Variants in ASTN1 observed in about 807,000 individuals in gnomAD.
ASTN1 encodes astrotactin 1.
Under a neutral mutation model 140.7 loss-of-function variants are expected in ASTN1, and 41 were observed. The observed-to-expected ratio is 0.29, with a 90% confidence interval of 0.23 to 0.38. The LOEUF (loss-of-function observed/expected upper bound fraction) is 0.38. ASTN1 is among the 10% of genes least tolerant of loss of function. The pLI is 1.00. For missense variants in ASTN1, 1,479 were observed against 1,678.8 expected (o/e 0.88, Z 2.08); for synonymous variants, 640 against 652.2 (o/e 0.98, Z 0.29).
chr1:176,892,686 C>A (rs945765136), intron 17 of ASTN1, among the ~76,000 whole-genome samples: 4 of 152,088 alleles, frequency 2.6e-5, no homozygotes, highest in Non-Finnish European at 5.9e-5. Context: ...GACAATGAGA[C>A]CAACAAAGGT....
At chr1:177,148,563 A>C (rs549207179) in intron 1 of ASTN1, among the ~76,000 whole-genome samples, 2 of 151,936 alleles carry the variant, frequency 1.3e-5, no homozygotes, top group Non-Finnish European at 2.9e-5. Flanking sequence ...TCAAAATACC[A>C]CAAGCTGGGA....
chr1:177,015,471 C>A (rs556838935), intron 7 of ASTN1, among the ~76,000 whole-genome samples: 12 of 152,308 alleles, frequency 7.9e-5, no homozygotes, highest in South Asian at 2.1e-4. Context: ...CTACTATATG[C>A]ACAGGAGGCC....
At chr1:176,950,031 T>G (rs779106815) in intron 11 of ASTN1, among the ~76,000 whole-genome samples, 1 of 152,234 alleles carries the variant, frequency 6.6e-6, no homozygotes, top group Non-Finnish European at 1.5e-5. Context: ...ATGCTTTTAA[T>G]GCAAAATATT....
chr1:176,987,930 T>C (rs1393483940), intron 8 of ASTN1, among the ~76,000 whole-genome samples: 1 of 152,158 alleles, frequency 6.6e-6, no homozygotes, highest in Non-Finnish European at 1.5e-5. Flanking sequence ...GGACAGAGGA[T>C]AGGGTAATTT....
intron 1 of ASTN1, among the ~76,000 whole-genome samples, chr1:177,120,584 G>A (rs1314500221): frequency 3.9e-5 from 6 of 152,086 alleles, no homozygotes; most frequent in Non-Finnish European, 5.9e-5. Flanking sequence ...TAAACAAGCC[G>A]ATTCTTTTGA....
chr1:176,915,115 A>C (rs1317702496), intron 16 of ASTN1, among the ~76,000 whole-genome samples: 1 of 152,242 alleles, frequency 6.6e-6, no homozygotes, highest in Non-Finnish European at 1.5e-5. Context: ...CAAGGAAAAA[A>C]TATAGCATAC....
chr1:177,077,174 G>A (rs763116343), intron 1 of ASTN1, among the ~76,000 whole-genome samples: 14 of 152,002 alleles, frequency 9.2e-5, no homozygotes, highest in Admixed American at 3.9e-4. Context: ...AAACCACCTC[G>A]AGGAGGTGCT....
intron 8 of ASTN1, among the ~76,000 whole-genome samples, chr1:176,997,458 G>A (rs1460975727): frequency 6.6e-6 from 1 of 152,040 alleles, no homozygotes; most frequent in Non-Finnish European, 1.5e-5. Context: ...ACTATTGTGA[G>A]GATCAAATAG....
At position 177,109,401 on chromosome 1, in the gene ASTN1, T is replaced by C. The variant is rs377366670; in HGVS notation, c.284-48136A>G. Among the ~76,000 whole-genome samples, 10 of 152,102 alleles carry C rather than the reference T, an allele frequency of 6.6e-5. No individual in the cohort carries two copies. The South Asian group carries it at 2.1e-3, about 32-fold the overall frequency. ...ACCTGATGAAACTTCAAAAGTGTTT[T>C]AAGGGAGAGAAATCACACTTACACA... On this transcript the variant is annotated intron_variant, in intron 1 of 22. Transcript: ENST00000361833.
At chr1:176,857,662 G>T (rs1365725546), downstream of ASTN1, 2 of 596,664 alleles carry the variant, frequency 3.4e-6, no homozygotes, top group African/African-American at 3.8e-5. Context: ...TGTTGACAAA[G>T]GAGTGTGGGA....
intron 2 of ASTN1, among the ~76,000 whole-genome samples, chr1:177,046,916 G>A (rs1233326399): frequency 6.6e-6 from 1 of 152,138 alleles, no homozygotes; most frequent in African/African-American, 2.4e-5. Context: ...TCCCAACAGT[G>A]CCACTGACCA....
At chr1:177,147,841 G>A (rs1571850480) in intron 1 of ASTN1, among the ~76,000 whole-genome samples, 1 of 152,258 alleles carries the variant, frequency 6.6e-6, no homozygotes, top group East Asian at 1.9e-4. Flanking sequence ...GCTTGCAGGA[G>A]TCTGCTAGGA....
chr1:177,014,816 G>T lies in ASTN1; in HGVS notation c.1498C>A (p.Arg500=). The T allele has an allele frequency of 6.2e-7, 1 of 1,613,722 alleles. No individual in the cohort carries two copies. The highest frequency in any genetic ancestry group is 8.5e-7 in the Non-Finnish European group (1 of 1,179,770). ...KDPVHKHLCI[R]NEWGTNQGPW... is the part of the protein sequence containing the mutation. ...CCCTGGTTTGTCCCCCATTCGTTCC[G>T]AATGCAAAGGTGCTTATGTACTGGA... is the stretch of plus-strand genomic sequence containing the variant. Residue 500 remains arginine, a synonymous_variant, in exon 8 of 23, where the codon CGG becomes AGG. Coordinates refer to ENST00000361833, the MANE Select transcript of ASTN1 (RefSeq NM_004319.3).
At chr1:177,010,070 G>A (rs998194834) in intron 8 of ASTN1, among the ~76,000 whole-genome samples, 2 of 152,024 alleles carry the variant, frequency 1.3e-5, no homozygotes, top group East Asian at 1.9e-4. Flanking sequence ...GTAGTCTTTC[G>A]TAATCATTTC....
At chr1:177,001,524 A>G (rs1485119886) in intron 8 of ASTN1, among the ~76,000 whole-genome samples, 1 of 152,254 alleles carries the variant, frequency 6.6e-6, no homozygotes, top group Non-Finnish European at 1.5e-5. Flanking sequence ...TTAAGAAATA[A>G]GGCTCATAAA....
chr1:177,095,151 C>T (rs1679968320), intron 1 of ASTN1, among the ~76,000 whole-genome samples: 1 of 151,902 alleles, frequency 6.6e-6, no homozygotes, highest in Non-Finnish European at 1.5e-5. Flanking sequence ...CTCTTGAGTG[C>T]TAAGAGTAAA....
intron 8 of ASTN1, among the ~76,000 whole-genome samples, chr1:177,011,145 C>A (rs1319218931): frequency 6.6e-6 from 1 of 152,140 alleles, no homozygotes; most frequent in Non-Finnish European, 1.5e-5. Context: ...CCTGAAAAAA[C>A]CATGTTTCTC....
At chr1:177,078,521 T>C (rs1296399511) in intron 1 of ASTN1, among the ~76,000 whole-genome samples, 6 of 152,120 alleles carry the variant, frequency 3.9e-5, no homozygotes, top group Admixed American at 3.3e-4. Flanking sequence ...TCACATATTA[T>C]AGGGAAGTCT....
intron 1 of ASTN1, among the ~76,000 whole-genome samples, chr1:177,109,575 T>G (rs1680715151): frequency 6.6e-6 from 1 of 152,254 alleles, no homozygotes; most frequent in East Asian, 1.9e-4. Flanking sequence ...ATCTATAAAA[T>G]TAAGTGTTAA....
Sources: gnomAD v4.1 joint callset for allele counts (sites outside exome capture counted in the v4.1 genomes callset) on GRCh38, gnomAD v4.1.1 for gene constraint, MANE v1.5 for transcripts, NCBI Gene and HGNC (gene_info 2026-07-23, HGNC 2026-07-21) for gene names.